Variants in TPD52 observed in about 807,000 individuals in gnomAD.
TPD52 encodes the protein tumor protein D52, also known as prostate and colon associated protein.
A neutral mutation model predicts 31.3 loss-of-function variants in TPD52; 17 were observed. That is an observed-to-expected ratio of 0.54 (90% CI 0.37 to 0.82). The LOEUF is 0.82. TPD52 is among the 40% of genes least tolerant of loss of function. The pLI is 0.00. For missense variants in TPD52, 212 were observed against 240.1 expected, an observed-to-expected ratio of 0.88 and a Z score of 0.77; for synonymous variants, 83 against 89.6, an observed-to-expected ratio of 0.93 and a Z score of 0.42.
chr8:80,135,564 A>G (rs2370372), intron 1 of TPD52, among the ~76,000 whole-genome samples: 65,146 of 151,342 alleles, frequency 0.43, 14,616 homozygotes, highest in East Asian at 0.78. Flanking sequence ...CATTGTGGAA[A>G]TCAGTGTGGC....
At chr8:80,057,201 A>G (rs2130600862) in intron 2 of TPD52, among the ~76,000 whole-genome samples, 1 of 152,204 alleles carries the variant, frequency 6.6e-6, no homozygotes, top group Non-Finnish European at 1.5e-5. Context: ...AAGAAAACAC[A>G]CATCCATACA....
intron 1 of TPD52, among the ~76,000 whole-genome samples, chr8:80,112,853 T>A (rs1807595791): frequency 6.6e-6 from 1 of 152,180 alleles, no homozygotes; most frequent in South Asian, 2.1e-4. Flanking sequence ...TCAGAAGTAT[T>A]TCAGATTTCC....
chr8:80,061,022 C>T (rs944720867), intron 2 of TPD52, among the ~76,000 whole-genome samples: 5 of 152,012 alleles, frequency 3.3e-5, no homozygotes, highest in African/African-American at 1.2e-4. Context: ...AAAAGTAAAA[C>T]GATGTTTAAT....
chr8:80,092,515 G>A (rs1450822044), intron 1 of TPD52, among the ~76,000 whole-genome samples: 1 of 152,126 alleles, frequency 6.6e-6, no homozygotes, highest in Non-Finnish European at 1.5e-5. Flanking sequence ...CAATGATATG[G>A]AATCAACCTA....
intron 5 of TPD52, among the ~76,000 whole-genome samples, chr8:80,049,800 T>G (rs1386923782): frequency 6.6e-6 from 1 of 152,198 alleles, no homozygotes; most frequent in Non-Finnish European, 1.5e-5. Flanking sequence ...TTTTTTAGCT[T>G]AATATTCTTT....
chr8:80,039,828 T>TTCTCTGAC (rs1173497395), intron 7 of TPD52, among the ~76,000 whole-genome samples: 1 of 152,192 alleles, frequency 6.6e-6, no homozygotes, highest in Non-Finnish European at 1.5e-5. Context: ...CTAAGAGGTC[T>TTCTCTGAC]TCTCTGACCT....
intron 1 of TPD52, among the ~76,000 whole-genome samples, chr8:80,073,227 A>G (rs1814133610): frequency 6.6e-6 from 1 of 152,222 alleles, no homozygotes; most frequent in Admixed American, 6.5e-5. Flanking sequence ...TATACAACAA[A>G]AATGTATCAT....
chr8:80,154,729 ACACACACACACACACACAC>A (rs1563666261), intron 1 of TPD52, among the ~76,000 whole-genome samples: 12 of 149,390 alleles, frequency 8.0e-5, no homozygotes, highest in Admixed American at 3.3e-4. Context: ...ACACACACAC[ACACACACACACACACACAC>A]ACACAAAACA....
chr8:80,160,057 G>A (rs1811243279), intron 1 of TPD52, among the ~76,000 whole-genome samples: 1 of 152,092 alleles, frequency 6.6e-6, no homozygotes, highest in Non-Finnish European at 1.5e-5. Flanking sequence ...CAGGCATGGT[G>A]GTGTGCGCCT....
chr8:80,050,714 T>C (rs1296247049), intron 4 of TPD52, among the ~76,000 whole-genome samples: 3 of 152,172 alleles, frequency 2.0e-5, no homozygotes, highest in African/African-American at 7.2e-5. Flanking sequence ...AGCGAGGAAT[T>C]TGTTCTTTTG....
At position 80,133,652 on chromosome 8, in the gene TPD52, C is replaced by A. The variant is rs73265583; in HGVS notation, c.19+37773G>T. Among the ~76,000 whole-genome samples, 868 of 152,010 alleles carry A rather than the reference C, an allele frequency of 5.7e-3. 13 individuals carry two copies. The highest frequency in any genetic ancestry group is 0.02 in the African/African-American group (835 of 41,444). On this transcript the variant is annotated intron_variant, in intron 1 of 7. Coordinates refer to ENST00000518937, the MANE Select transcript of TPD52 (RefSeq NM_001025253.3). Reference sequence around the variant, plus strand: ...CATTTCTTCTTTCCATTCCTCCCACCACTGGACCTTAGGTCTAGACCACAC... The same window carrying A: ...CATTTCTTCTTTCCATTCCTCCCACAACTGGACCTTAGGTCTAGACCACAC...
intron 2 of TPD52, among the ~76,000 whole-genome samples, chr8:80,063,168 A>G (rs1366036530): frequency 6.6e-6 from 1 of 152,232 alleles, no homozygotes; most frequent in Non-Finnish European, 1.5e-5. Flanking sequence ...GAATGGATAA[A>G]TGGATAAACA....
chr8:80,113,416 C>A (rs914025870), intron 1 of TPD52, among the ~76,000 whole-genome samples: 2 of 152,090 alleles, frequency 1.3e-5, no homozygotes, highest in Non-Finnish European at 2.9e-5. Flanking sequence ...ATATGATCTA[C>A]CAACCCTACT....
intron 2 of TPD52, among the ~76,000 whole-genome samples, chr8:80,058,779 C>T (rs1812178206): frequency 1.3e-5 from 2 of 152,182 alleles, no homozygotes; most frequent in African/African-American, 4.8e-5. Flanking sequence ...GCCTGGGCAA[C>T]AACAGAGTGA....
At chr8:80,165,734 G>A (rs10755964) in intron 1 of TPD52, among the ~76,000 whole-genome samples, 60,632 of 151,982 alleles carry the variant, frequency 0.4, 12,311 homozygotes, top group East Asian at 0.68. Context: ...GTATATAATC[G>A]ATCAGGCCAA....
chr8:80,086,509 A>G (rs1406359675), intron 1 of TPD52, among the ~76,000 whole-genome samples: 1 of 152,078 alleles, frequency 6.6e-6, no homozygotes, highest in Non-Finnish European at 1.5e-5. Flanking sequence ...ACATTAAAGG[A>G]GACTGGCATT....
At chr8:80,059,061 G>A (rs972324690) in intron 2 of TPD52, among the ~76,000 whole-genome samples, 6 of 152,078 alleles carry the variant, frequency 3.9e-5, no homozygotes, top group African/African-American at 7.2e-5. Context: ...CAGAGTATAC[G>A]TTAGGCAACA....
intron 1 of TPD52, among the ~76,000 whole-genome samples, chr8:80,154,301 G>C (rs1456053956): frequency 6.6e-6 from 1 of 152,238 alleles, no homozygotes; most frequent in East Asian, 1.9e-4. Flanking sequence ...TCCTGTGGAA[G>C]AGGCAGGCCC....
intron 1 of TPD52, among the ~76,000 whole-genome samples, chr8:80,164,075 A>G (rs1811554310): frequency 6.7e-6 from 1 of 149,632 alleles, no homozygotes; most frequent in African/African-American, 2.5e-5. Context: ...AGAAAGGGGA[A>G]AGGGGGGAGG....
Sources: gnomAD v4.1 joint callset for allele counts (sites outside exome capture counted in the v4.1 genomes callset) on GRCh38, gnomAD v4.1.1 for gene constraint, MANE v1.5 for transcripts, NCBI Gene and HGNC (gene_info 2026-07-23, HGNC 2026-07-21) for gene names.